Variants in FRAS1 observed in about 807,000 individuals in gnomAD.
The protein encoded by FRAS1 is extracellular matrix organizing protein FRAS1.
In FRAS1, 290 loss-of-function variants were observed where a neutral mutation model predicts 435.2. That is an observed-to-expected ratio of 0.67 (90% CI 0.61 to 0.73). The LOEUF is 0.73. Among genes scored for constraint, FRAS1 ranks in the 30% least tolerant of loss-of-function variants. The pLI is 0.00. For synonymous variants in FRAS1, 1,800 were observed against 1,851.0 expected, an observed-to-expected ratio of 0.97 and a Z score of 0.71; for missense variants, 4,860 against 5,001.5, an observed-to-expected ratio of 0.97 and a Z score of 0.85.
At chr4:78,203,199 A>C (rs2110077764) in intron 2 of FRAS1, among the ~76,000 whole-genome samples, 1 of 152,264 alleles carries the variant, frequency 6.6e-6, no homozygotes, top group Non-Finnish European at 1.5e-5. Flanking sequence ...GAATTTCATC[A>C]CACTATTTCC....
At chr4:78,408,688 T>C (rs959952180) in intron 31 of FRAS1, among the ~76,000 whole-genome samples, 3 of 152,212 alleles carry the variant, frequency 2.0e-5, no homozygotes, top group Admixed American at 1.3e-4. Context: ...ATTGTGATGA[T>C]TTAATGAGTT....
At chr4:78,257,427 A>G (rs1469565692) in intron 6 of FRAS1, among the ~76,000 whole-genome samples, 1 of 152,238 alleles carries the variant, frequency 6.6e-6, no homozygotes, top group Non-Finnish European at 1.5e-5. Context: ...TATATACATT[A>G]CATCATTAAA....
At chr4:78,369,812 G>A (rs763016778) in intron 22 of FRAS1, 26 bp from the exon 23 acceptor site, 19 of 1,598,172 alleles carry the variant, frequency 1.2e-5, no homozygotes, top group Non-Finnish European at 8.5e-7. Context: ...TAATCATCTG[G>A]TCATTTTCTT....
intron 58 of FRAS1, among the ~76,000 whole-genome samples, chr4:78,486,292 C>T (rs1720167018): frequency 6.6e-6 from 1 of 152,192 alleles, no homozygotes; most frequent in African/African-American, 2.4e-5. Context: ...AGGACATTTT[C>T]TATACCTAGC....
intron 18 of FRAS1, among the ~76,000 whole-genome samples, chr4:78,327,410 G>A (rs1729764315): frequency 6.6e-6 from 1 of 151,890 alleles, no homozygotes; most frequent in Non-Finnish European, 1.5e-5. Context: ...ATGAAAGTAG[G>A]GACACTTTAT....
At chr4:78,321,777 G>A (rs982597426) in intron 18 of FRAS1, among the ~76,000 whole-genome samples, 9 of 151,350 alleles carry the variant, frequency 5.9e-5, no homozygotes, top group African/African-American at 1.7e-4. Flanking sequence ...CTCGGGGGCG[G>A]GGGTTACAGT....
At chr4:78,241,839 T>C (rs1000972150) in intron 3 of FRAS1, among the ~76,000 whole-genome samples, 1 of 151,936 alleles carries the variant, frequency 6.6e-6, no homozygotes, top group African/African-American at 2.4e-5. Flanking sequence ...TGTACAAAGA[T>C]AGAATATCAT....
chr4:78,267,341 T>C lies in FRAS1; in HGVS notation c.890T>C (p.Met297Thr), dbSNP rs1726415054. Residue 297 changes from methionine (M) to threonine (T), a missense_variant, in exon 9 of 74, where the codon ATG becomes ACG. Met to Thr is a moderately conservative substitution (Grantham distance 81). Coordinates refer to ENST00000512123, the MANE Select transcript of FRAS1 (RefSeq NM_025074.7). Reference protein sequence around the residue: ...YDGVVRYQDEMWKGSACEFCM... With the variant: ...YDGVVRYQDETWKGSACEFCM... ...GGAGTTGTGCGGTACCAGGACGAAATGTGGAAGGGCTCGGCCTGTGAGTTC... is the reference window on the plus strand; with the variant it reads ...GGAGTTGTGCGGTACCAGGACGAAACGTGGAAGGGCTCGGCCTGTGAGTTC... The C allele has an allele frequency of 2.5e-6, 4 of 1,613,674 alleles. No homozygotes were observed. In the African/African-American group the frequency reaches 4.0e-5, roughly 16 times the overall value.
intron 2 of FRAS1, among the ~76,000 whole-genome samples, chr4:78,220,984 A>G (rs1724027654): frequency 6.6e-6 from 1 of 152,120 alleles, no homozygotes; most frequent in Non-Finnish European, 1.5e-5. Flanking sequence ...TCTGGGTGAC[A>G]TGGCAAAACC....
Position 78,489,078 on chromosome 4 carries a change from A to C in FRAS1, c.8956A>C (p.Lys2986Gln), listed in dbSNP as rs1246958182. The C allele has an allele frequency of 6.2e-7, 1 of 1,611,068 alleles. No homozygotes were observed. Residue 2986 changes from lysine to glutamine, a missense_variant and splice_region_variant, in exon 59 of 74, where the codon AAA becomes CAA. Lys to Gln is a moderately conservative substitution (Grantham distance 53). Transcript: ENST00000512123. ...SSRITFLKGD[K>Q]VKNCTVYIHD... ...ACGGATTACATTTCTCAAAGGGGAC[A>C]AAGTAAGTGGATTGGTGGTGGCTGA...
At chr4:78,459,815 G>T in intron 47 of FRAS1, among the ~76,000 whole-genome samples, 1 of 152,138 alleles carries the variant, frequency 6.6e-6, no homozygotes, top group Non-Finnish European at 1.5e-5. Flanking sequence ...GCTTGGAGAT[G>T]GCCATCTTCT....
chr4:78,116,866 T>C (rs1743225133), intron 2 of FRAS1, among the ~76,000 whole-genome samples: 1 of 152,238 alleles, frequency 6.6e-6, no homozygotes, highest in South Asian at 2.1e-4. Context: ...AATTTGATCC[T>C]GTCATTATGA....
chr4:78,087,896 G>T (rs1033272096), intron 2 of FRAS1, among the ~76,000 whole-genome samples: 1 of 152,146 alleles, frequency 6.6e-6, no homozygotes, highest in Non-Finnish European at 1.5e-5. Context: ...AACTACCAAT[G>T]ACTTTCTTCA....
intron 28 of FRAS1, among the ~76,000 whole-genome samples, chr4:78,384,347 A>G (rs7656704): frequency 0.24 from 36,617 of 152,124 alleles, 4,800 homozygotes; most frequent in Admixed American, 0.3. Context: ...CTTCTCTAGT[A>G]CTTAGTGTTA....
At chr4:78,081,017 C>T (rs1177279801) in intron 2 of FRAS1, among the ~76,000 whole-genome samples, 2 of 152,190 alleles carry the variant, frequency 1.3e-5, no homozygotes, top group Non-Finnish European at 2.9e-5. Flanking sequence ...TGTTTAGCTA[C>T]ATACCTTGAT....
intron 2 of FRAS1, among the ~76,000 whole-genome samples, chr4:78,126,387 C>CTT (rs988172477): frequency 1.2e-4 from 19 of 152,336 alleles, no homozygotes; most frequent in African/African-American, 4.6e-4. Context: ...CCTGCATCGG[C>CTT]TTGCCCTCTG....
intron 66 of FRAS1, among the ~76,000 whole-genome samples, chr4:78,518,862 G>A (rs995093866): frequency 3.9e-5 from 6 of 152,148 alleles, no homozygotes; most frequent in African/African-American, 1.2e-4. Flanking sequence ...TTAGGCACAG[G>A]CTCCTCCCAG....
At chr4:78,293,046 C>T (rs866662220) in intron 14 of FRAS1, among the ~76,000 whole-genome samples, 126 of 152,300 alleles carry the variant, frequency 8.3e-4, no homozygotes, top group African/African-American at 2.5e-3. Flanking sequence ...CTATGTACCA[C>T]GCCCTGTCCC....
At chr4:78,380,585 A>G (rs1346802090) in intron 27 of FRAS1, among the ~76,000 whole-genome samples, 1 of 152,212 alleles carries the variant, frequency 6.6e-6, no homozygotes, top group Non-Finnish European at 1.5e-5. Context: ...ACACCAACCC[A>G]AGCAAATACA....
Sources: allele counts gnomAD v4.1 joint callset (sites outside exome capture counted in the v4.1 genomes callset), GRCh38; gene constraint gnomAD v4.1.1; transcripts MANE v1.5; gene names NCBI Gene and HGNC (gene_info 2026-07-23, HGNC 2026-07-21).